The following RANBP17 variants were observed in gnomAD, a reference collection of about 807,000 sequenced individuals.
RANBP17 encodes the protein RAN binding protein 17.
RANBP17 carries 158 observed loss-of-function variants against 141.2 expected under a neutral mutation model. The ratio of observed to expected loss-of-function variants is 1.12; its 90% CI spans 0.98 to 1.28. The LOEUF (loss-of-function observed/expected upper bound fraction) is 1.28. Ranked by LOEUF, RANBP17 falls within the 50% of genes most tolerant of loss-of-function variation. RANBP17 has a pLI of 0.00. For synonymous variants in RANBP17, 430 were observed against 450.0 expected, an observed-to-expected ratio of 0.96 and a Z score of 0.56; for missense variants, 1,438 against 1,290.7, an observed-to-expected ratio of 1.11 and a Z score of -1.75.
intron 14 of RANBP17, among the ~76,000 whole-genome samples, chr5:171,156,771 A>G (rs1758932730): frequency 6.6e-6 from 1 of 152,158 alleles, no homozygotes; most frequent in Non-Finnish European, 1.5e-5. Flanking sequence ...CAAGGTGCAC[A>G]TTTTGTGGGA....
intron 14 of RANBP17, among the ~76,000 whole-genome samples, chr5:171,138,904 C>T (rs1244956557): frequency 1.3e-5 from 2 of 152,074 alleles, no homozygotes; most frequent in African/African-American, 4.8e-5. Context: ...AATGAGTCGT[C>T]ATCTCTGCAA....
chr5:171,210,657 A>G (rs1401440040), intron 20 of RANBP17, among the ~76,000 whole-genome samples: 1 of 152,114 alleles, frequency 6.6e-6, no homozygotes, highest in East Asian at 1.9e-4. Flanking sequence ...TACTCAAAGC[A>G]TCCCTATTAT....
intron 14 of RANBP17, among the ~76,000 whole-genome samples, chr5:171,051,063 C>T (rs1204286040): frequency 1.3e-5 from 2 of 151,884 alleles, no homozygotes; most frequent in African/African-American, 4.8e-5. Context: ...ATTGTTATTC[C>T]CCTCTATGTT....
intron 14 of RANBP17, among the ~76,000 whole-genome samples, chr5:171,053,890 T>C (rs1254278573): frequency 1.7e-5 from 2 of 116,276 alleles, no homozygotes; most frequent in African/African-American, 7.3e-5. Context: ...TATATATATA[T>C]ATATATATAT....
intron 24 of RANBP17, among the ~76,000 whole-genome samples, chr5:171,255,233 T>C (rs1228220432): frequency 2.0e-5 from 3 of 152,124 alleles, no homozygotes; most frequent in Admixed American, 6.5e-5. Context: ...ACACTTTGTA[T>C]TTTGAGGGCT....
intron 18 of RANBP17, among the ~76,000 whole-genome samples, chr5:171,194,380 C>T (rs1307723648): frequency 6.6e-6 from 1 of 152,148 alleles, no homozygotes; most frequent in African/African-American, 2.4e-5. Flanking sequence ...TCCCCTCCCC[C>T]AAACCCTGGA....
chr5:170,922,064 A>C (rs1336587079), intron 11 of RANBP17, among the ~76,000 whole-genome samples: 1 of 151,064 alleles, frequency 6.6e-6, no homozygotes, highest in African/African-American at 2.4e-5. Context: ...TCTGTTTGTT[A>C]GTTTTCCTTC....
chr5:170,862,073 G>A, intron 1 of RANBP17, 22 bp downstream of exon 1: 1 of 1,446,764 alleles, frequency 6.9e-7, no homozygotes, highest in Non-Finnish European at 9.0e-7. Flanking sequence ...CTGCGCCGCG[G>A]GCCCGCGCTC....
intron 23 of RANBP17, 80 bp from the exon 24 acceptor site, chr5:171,242,600 TTA>T: frequency 2.1e-6 from 3 of 1,428,608 alleles, no homozygotes; most frequent in Non-Finnish European, 2.9e-6. Flanking sequence ...ATTTCCAGTA[TTA>T]TAAATGACAA....
At chr5:171,174,751 A>AGAGT (rs1554110445) in intron 16 of RANBP17, among the ~76,000 whole-genome samples, 4 of 135,622 alleles carry the variant, frequency 2.9e-5, no homozygotes, top group Non-Finnish European at 4.7e-5. Flanking sequence ...AAATATCTAG[A>AGAGT]GTGTGTGTGT....
chr5:170,978,805 G>GAC (rs35975806), intron 14 of RANBP17, among the ~76,000 whole-genome samples: 92,855 of 151,588 alleles, frequency 0.61, 29,778 homozygotes, highest in South Asian at 0.89. Context: ...CATATATAAA[G>GAC]ACACTGAGCT....
intron 14 of RANBP17, among the ~76,000 whole-genome samples, chr5:171,109,843 GT>G (rs1755095928): frequency 6.6e-6 from 1 of 152,092 alleles, no homozygotes; most frequent in Non-Finnish European, 1.5e-5. Context: ...TAAGGCATTG[GT>G]TGAGTATATT....
At chr5:170,985,115 A>G (rs1290552237) in intron 14 of RANBP17, among the ~76,000 whole-genome samples, 2 of 151,646 alleles carry the variant, frequency 1.3e-5, no homozygotes, top group Middle Eastern at 3.4e-3. Context: ...ATACACACAA[A>G]CACATACATA....
chr5:171,123,778 A>G (rs1756221075), intron 14 of RANBP17, among the ~76,000 whole-genome samples: 1 of 152,264 alleles, frequency 6.6e-6, no homozygotes. Context: ...ACTGTAAGGA[A>G]CAGCCAAAGG....
At chr5:171,130,505 C>T (rs1187580699) in intron 14 of RANBP17, among the ~76,000 whole-genome samples, 4 of 121,072 alleles carry the variant, frequency 3.3e-5, no homozygotes, top group East Asian at 5.5e-4. Context: ...GGCATGATCT[C>T]GGCTCACTAC....
intron 14 of RANBP17, among the ~76,000 whole-genome samples, chr5:171,018,546 G>A (rs879490637): frequency 2.6e-5 from 4 of 152,054 alleles, no homozygotes; most frequent in Non-Finnish European, 5.9e-5. Context: ...TTCATGATTT[G>A]GCTCTCTGCT....
chr5:171,122,558 C>G (rs922349647), intron 14 of RANBP17, among the ~76,000 whole-genome samples: 1 of 152,172 alleles, frequency 6.6e-6, no homozygotes, highest in African/African-American at 2.4e-5. Context: ...AAGCAGCCAG[C>G]CTGGCCAGGA....
chr5:171,274,330 TTATAATTTAAAA>T (rs1309997952), intron 25 of RANBP17, among the ~76,000 whole-genome samples: 2 of 152,152 alleles, frequency 1.3e-5, no homozygotes, highest in Non-Finnish European at 1.5e-5. Flanking sequence ...AAGTTAATGC[TTATAATTTAAAA>T]ATAGAGAAAC....
intron 14 of RANBP17, among the ~76,000 whole-genome samples, chr5:171,151,729 A>G (rs1028440234): frequency 6.6e-6 from 1 of 152,188 alleles, no homozygotes; most frequent in Non-Finnish European, 1.5e-5. Context: ...AGCAGTGGTA[A>G]TCGCCTCCTT....
Sources: allele counts gnomAD v4.1 joint callset (sites outside exome capture counted in the v4.1 genomes callset), GRCh38; gene constraint gnomAD v4.1.1; transcripts MANE v1.5; gene names NCBI Gene and HGNC (gene_info 2026-07-23, HGNC 2026-07-21).